The following PTPRG variants were observed in gnomAD, a reference collection of about 807,000 sequenced individuals.
The protein encoded by PTPRG is protein tyrosine phosphatase receptor type G, also known as receptor-type tyrosine-protein phosphatase gamma.
A neutral mutation model predicts 165.3 loss-of-function variants in PTPRG; 102 were observed. The observed-to-expected ratio is 0.62, with a 90% CI of 0.53 to 0.73. The LOEUF (loss-of-function observed/expected upper bound fraction) is 0.73, where lower values mean the gene tolerates loss of function less well. PTPRG is among the 30% of genes least tolerant of loss of function. The pLI is 0.00. For synonymous variants in PTPRG, 675 were observed against 669.5 expected (o/e 1.01, Z -0.13); for missense variants, 1,866 against 1,861.4 (o/e 1.00, Z -0.05).
intron 4 of PTPRG, among the ~76,000 whole-genome samples, chr3:62,027,731 T>C (rs1699612202): frequency 6.6e-6 from 1 of 152,208 alleles, no homozygotes; most frequent in African/African-American, 2.4e-5. Flanking sequence ...CACAGATTTT[T>C]TAAATCCATC....
At chr3:61,953,467 G>C (rs1050344343) in intron 2 of PTPRG, among the ~76,000 whole-genome samples, 4 of 152,182 alleles carry the variant, frequency 2.6e-5, no homozygotes, top group African/African-American at 9.7e-5. Flanking sequence ...CTCTAGGAAC[G>C]TGAGCACTTC....
intron 1 of PTPRG, among the ~76,000 whole-genome samples, chr3:61,746,803 A>G (rs1005241172): frequency 3.3e-5 from 5 of 152,180 alleles, no homozygotes; most frequent in Non-Finnish European, 7.4e-5. Context: ...GAGTGGGGAT[A>G]TGGTTATTAC....
At chr3:62,189,155 C>T (rs1699741704) in intron 8 of PTPRG, among the ~76,000 whole-genome samples, 1 of 152,078 alleles carries the variant, frequency 6.6e-6, no homozygotes, top group Admixed American at 6.5e-5. Context: ...AGGGGTTCTG[C>T]GGGGCAGTGG....
At chr3:61,773,939 T>A (rs1172624037) in intron 2 of PTPRG, among the ~76,000 whole-genome samples, 1 of 151,962 alleles carries the variant, frequency 6.6e-6, no homozygotes, top group African/African-American at 2.4e-5. Context: ...CACGCGTGGC[T>A]AATTTTTGTG....
intron 16 of PTPRG, among the ~76,000 whole-genome samples, chr3:62,261,250 C>G (rs1000162223): frequency 3.3e-5 from 5 of 152,198 alleles, no homozygotes; most frequent in Admixed American, 1.3e-4. Context: ...AAAAGACTAA[C>G]TTGTTTCAAA....
chr3:61,576,632 G>A (rs1459877867), intron 1 of PTPRG, among the ~76,000 whole-genome samples: 2 of 152,166 alleles, frequency 1.3e-5, no homozygotes, highest in Non-Finnish European at 2.9e-5. Context: ...CCATCTCTGT[G>A]CCTATAATAA....
intron 1 of PTPRG, among the ~76,000 whole-genome samples, chr3:61,632,323 A>T (rs1701792481): frequency 8.1e-6 from 1 of 124,080 alleles, no homozygotes; most frequent in Admixed American, 7.8e-5. Flanking sequence ...GCACATACAC[A>T]CACACACACA....
At chr3:61,696,049 A>G (rs931756883) in intron 1 of PTPRG, among the ~76,000 whole-genome samples, 1 of 152,176 alleles carries the variant, frequency 6.6e-6, no homozygotes, top group African/African-American at 2.4e-5. Flanking sequence ...GGATGTAACT[A>G]CATGTTCTTA....
At chr3:61,762,779 G>A (rs544643273) in intron 2 of PTPRG, among the ~76,000 whole-genome samples, 1 of 152,118 alleles carries the variant, frequency 6.6e-6, no homozygotes, top group Non-Finnish European at 1.5e-5. Flanking sequence ...CGTAAGGGCA[G>A]TTTATCGCCT....
chr3:61,671,757 C>CTGGG (rs1234738205), intron 1 of PTPRG, among the ~76,000 whole-genome samples: 6 of 132,676 alleles, frequency 4.5e-5, no homozygotes, highest in Admixed American at 7.5e-5. Flanking sequence ...GGGCGGCTGG[C>CTGGG]CGGGCGGGGG....
rs949193313 is a variant in PTPRG, at chr3:62,012,157, T to C, written c.519+8660T>C. 3.3e-5 allele frequency among the ~76,000 whole-genome samples: 5 copies of C among 152,300 alleles called. No individual in the cohort carries two copies. In the East Asian group the frequency reaches 5.8e-4, roughly 18 times the overall value. ...ATATCAGGCACTTTCTAGATGTTTC[T>C]TCATGTCAACCTTGTGAGAGAGGGA... On this transcript the variant is annotated intron_variant, in intron 4 of 29. Transcript: ENST00000474889.
chr3:61,592,458 GA>G (rs1166810341), intron 1 of PTPRG, among the ~76,000 whole-genome samples: 1 of 151,920 alleles, frequency 6.6e-6, no homozygotes, highest in African/African-American at 2.4e-5. Context: ...GGCACTGGGG[GA>G]AAAAAGGACT....
chr3:62,142,448 T>G (rs1175146104), intron 6 of PTPRG, among the ~76,000 whole-genome samples: 6 of 152,086 alleles, frequency 3.9e-5, no homozygotes, highest in Non-Finnish European at 8.8e-5. Context: ...TTCAGGATCA[T>G]TTTTCAACAG....
intron 1 of PTPRG, among the ~76,000 whole-genome samples, chr3:61,685,529 CAG>C (rs2107133603): frequency 6.6e-6 from 1 of 152,320 alleles, no homozygotes; most frequent in Non-Finnish European, 1.5e-5. Context: ...CCATAGTGGA[CAG>C]AAACAGGCAG....
Position 61,910,107 on chromosome 3 carries a change from T to C in PTPRG, c.191-79518T>C, listed in dbSNP as rs74545148. Among the ~76,000 whole-genome samples the C allele has an allele frequency of 5.1e-4, 77 of 152,350 alleles. 1 individual carries two copies. In the East Asian group the frequency reaches 6.7e-3, roughly 13 times the overall value. On this transcript the variant is annotated intron_variant, in intron 2 of 29. Coordinates refer to ENST00000474889, the MANE Select transcript of PTPRG (RefSeq NM_002841.4). ...TGTGATATATCTCATTATGCTGTTA[T>C]GCATTTTAAATCAATGCCAATTTTC... is the stretch of plus-strand genomic sequence containing the variant.
intron 1 of PTPRG, among the ~76,000 whole-genome samples, chr3:61,639,256 C>G (rs1701999602): frequency 1.3e-5 from 2 of 152,080 alleles, no homozygotes; most frequent in Non-Finnish European, 2.9e-5. Flanking sequence ...CATTCTGTTC[C>G]ATTGGTGTAT....
chr3:61,811,038 C>A (rs1401530849), intron 2 of PTPRG, among the ~76,000 whole-genome samples: 1 of 152,096 alleles, frequency 6.6e-6, no homozygotes, highest in Admixed American at 6.5e-5. Context: ...GATGATTGTT[C>A]GAATGTGACA....
intron 2 of PTPRG, among the ~76,000 whole-genome samples, chr3:61,867,976 G>C (rs1422943109): frequency 6.6e-6 from 1 of 152,164 alleles, no homozygotes; most frequent in African/African-American, 2.4e-5. Flanking sequence ...GGCATGAGAA[G>C]GTGGTGGTGT....
At chr3:62,093,810 T>G (rs1212935285) in intron 5 of PTPRG, among the ~76,000 whole-genome samples, 2 of 152,186 alleles carry the variant, frequency 1.3e-5, no homozygotes, top group Non-Finnish European at 2.9e-5. Context: ...GAACCTGCAT[T>G]AAGATGGACC....
Sources: allele counts gnomAD v4.1 joint callset (sites outside exome capture counted in the v4.1 genomes callset), GRCh38; gene constraint gnomAD v4.1.1; transcripts MANE v1.5; gene names NCBI Gene and HGNC (gene_info 2026-07-23, HGNC 2026-07-21).